The following NELL2 variants were observed in gnomAD, a reference collection of about 807,000 sequenced individuals.
NELL2 encodes the protein neural EGFL like 2.
NELL2 carries 41 observed loss-of-function variants against 109.6 expected under a neutral mutation model. The ratio of observed to expected loss-of-function variants is 0.37; its 90% confidence interval spans 0.29 to 0.49. The LOEUF is 0.49. Ranked by LOEUF, NELL2 falls within the 20% of genes least tolerant of loss-of-function variation. The pLI, the probability that NELL2 is intolerant of heterozygous loss-of-function variation, is 0.98. For synonymous variants in NELL2, 355 were observed against 344.7 expected (o/e 1.03, Z -0.33); for missense variants, 900 against 1,008.3 (o/e 0.89, Z 1.45).
chr12:44,796,091 G>T (rs1297510619), intron 3 of NELL2, among the ~76,000 whole-genome samples: 2 of 152,108 alleles, frequency 1.3e-5, no homozygotes, highest in East Asian at 3.9e-4. Flanking sequence ...CCCATCCAAA[G>T]AGGATAATAA....
intron 2 of NELL2, among the ~76,000 whole-genome samples, chr12:44,834,519 CT>C (rs2136732292): frequency 6.6e-6 from 1 of 150,658 alleles, no homozygotes; most frequent in African/African-American, 2.4e-5. Context: ...CAAACATACG[CT>C]ATGTACAGCA....
At chr12:44,879,885 C>T (rs1214894628), upstream of NELL2, among the ~76,000 whole-genome samples, 1 of 151,642 alleles carries the variant, frequency 6.6e-6, no homozygotes, top group Non-Finnish European at 1.5e-5. Flanking sequence ...CTTGCAGGTA[C>T]AAGGTCCGAG....
At chr12:44,636,028 T>C (rs1946624900) in intron 13 of NELL2, among the ~76,000 whole-genome samples, 7 of 152,178 alleles carry the variant, frequency 4.6e-5, no homozygotes, top group Admixed American at 4.6e-4. Context: ...TCCTAGGTAT[T>C]TTATTCTCTT....
At chr12:44,733,748 G>A in intron 9 of NELL2, among the ~76,000 whole-genome samples, 1 of 151,812 alleles carries the variant, frequency 6.6e-6, no homozygotes, top group East Asian at 1.9e-4. Flanking sequence ...AGGCAAGCAA[G>A]GAAGTAGGGA....
intron 11 of NELL2, among the ~76,000 whole-genome samples, chr12:44,705,245 C>A (rs903114511): frequency 6.6e-6 from 1 of 151,872 alleles, no homozygotes; most frequent in Admixed American, 6.6e-5. Context: ...ATTATTGGTA[C>A]AACTTAATAA....
chr12:44,613,949 G>A (rs1945722917), intron 13 of NELL2, among the ~76,000 whole-genome samples: 1 of 151,800 alleles, frequency 6.6e-6, no homozygotes, highest in South Asian at 2.1e-4. Context: ...CCAATATATA[G>A]TAAGTAAAAT....
chr12:44,668,566 C>A (rs1217302542), intron 12 of NELL2, among the ~76,000 whole-genome samples: 1 of 152,036 alleles, frequency 6.6e-6, no homozygotes, highest in African/African-American at 2.4e-5. Context: ...CTGCTGGTGC[C>A]CACGTGCACT....
intron 14 of NELL2, among the ~76,000 whole-genome samples, chr12:44,610,249 A>G (rs958766318): frequency 1.3e-5 from 2 of 151,778 alleles, no homozygotes; most frequent in African/African-American, 4.8e-5. Context: ...AGCAAAAAAA[A>G]AAAAACAAAA....
At chr12:44,731,547 T>C (rs1319312374) in intron 9 of NELL2, among the ~76,000 whole-genome samples, 2 of 152,068 alleles carry the variant, frequency 1.3e-5, no homozygotes, top group Non-Finnish European at 2.9e-5. Context: ...TCAACACCCT[T>C]TTATGATTAA....
intron 12 of NELL2, among the ~76,000 whole-genome samples, chr12:44,691,396 A>G (rs1019924757): frequency 6.6e-6 from 1 of 152,162 alleles, no homozygotes; most frequent in African/African-American, 2.4e-5. Context: ...GGCAAACTTA[A>G]TCGATAACTG....
intron 15 of NELL2, among the ~76,000 whole-genome samples, chr12:44,566,841 A>C (rs1310112437): frequency 2.6e-5 from 4 of 151,000 alleles, no homozygotes; most frequent in Non-Finnish European, 4.4e-5. Flanking sequence ...TTTTAGATGG[A>C]GTCTCTGTCG....
chr12:44,663,224 T>C (rs1453471357), intron 13 of NELL2, among the ~76,000 whole-genome samples: 2 of 152,154 alleles, frequency 1.3e-5, no homozygotes, highest in African/African-American at 4.8e-5. Flanking sequence ...AAACCTGGAA[T>C]ATGTGTTGAC....
At chr12:44,534,570 G>A (rs1005629622) in intron 15 of NELL2, among the ~76,000 whole-genome samples, 7 of 152,088 alleles carry the variant, frequency 4.6e-5, no homozygotes, top group African/African-American at 1.7e-4. Flanking sequence ...CCTAACTGAT[G>A]AACCTCTGAT....
intron 3 of NELL2, among the ~76,000 whole-genome samples, chr12:44,790,386 C>T (rs142445361): frequency 0.014 from 2,195 of 152,106 alleles, 52 homozygotes; most frequent in African/African-American, 0.05. Context: ...AAGCATCATA[C>T]ATGAAGGAAA....
At chr12:44,820,417 G>A (rs1252415526) in intron 2 of NELL2, among the ~76,000 whole-genome samples, 1 of 152,016 alleles carries the variant, frequency 6.6e-6, no homozygotes, top group African/African-American at 2.4e-5. Flanking sequence ...GACCATCCTG[G>A]CTAACATGGT....
At chr12:44,714,862 C>A (rs1438874734) in intron 9 of NELL2, 121 bp from the exon 10 acceptor site, 2 of 493,426 alleles carry the variant, frequency 4.1e-6, no homozygotes, top group Non-Finnish European at 7.0e-6. Flanking sequence ...TATGACTAAC[C>A]AGAAACCTCA....
At chr12:44,525,579 G>T in intron 16 of NELL2, among the ~76,000 whole-genome samples, 1 of 152,236 alleles carries the variant, frequency 6.6e-6, no homozygotes, top group Non-Finnish European at 1.5e-5. Context: ...ACATAGTTTG[G>T]TTATAACAAG....
At chr12:44,635,501 T>C (rs186144466) in intron 13 of NELL2, among the ~76,000 whole-genome samples, 9 of 152,336 alleles carry the variant, frequency 5.9e-5, no homozygotes, top group African/African-American at 2.2e-4. Context: ...TTTCTGCACA[T>C]GGCTAGCCAG....
intron 15 of NELL2, among the ~76,000 whole-genome samples, chr12:44,564,496 G>A (rs1415319633): frequency 6.6e-6 from 1 of 152,194 alleles, no homozygotes; most frequent in Non-Finnish European, 1.5e-5. Flanking sequence ...GCGTGTGAAA[G>A]CACATTGTGG....
Sources: allele counts gnomAD v4.1 joint callset (sites outside exome capture counted in the v4.1 genomes callset), GRCh38; gene constraint gnomAD v4.1.1; transcripts MANE v1.5; gene names NCBI Gene and HGNC (gene_info 2026-07-23, HGNC 2026-07-21).